The following PDE10A variants were observed in gnomAD, a reference collection of about 807,000 sequenced individuals.
PDE10A encodes the protein phosphodiesterase 10A.
Under a neutral mutation model 97.7 loss-of-function variants are expected in PDE10A, and 39 were observed. The ratio of observed to expected loss-of-function variants is 0.40; its 90% CI spans 0.31 to 0.52. The LOEUF is 0.52. Among genes scored for constraint, PDE10A ranks in the 20% least tolerant of loss-of-function variants. The pLI, the probability that PDE10A is intolerant of heterozygous loss-of-function variation, is 0.56. For synonymous variants in PDE10A, 371 were observed against 376.8 expected, an observed-to-expected ratio of 0.98 and a Z score of 0.18; for missense variants, 731 against 1,047.8, an observed-to-expected ratio of 0.70 and a Z score of 4.17.
At chr6:165,951,297 T>C (rs1308685721) in intron 1 of PDE10A, among the ~76,000 whole-genome samples, 1 of 152,180 alleles carries the variant, frequency 6.6e-6, no homozygotes, top group Admixed American at 6.5e-5. Flanking sequence ...TCTTGAGTAT[T>C]ACCTGTGCAT....
At chr6:165,427,861 A>T (rs6933076) in intron 10 of PDE10A, among the ~76,000 whole-genome samples, 1 of 152,272 alleles carries the variant, frequency 6.6e-6, no homozygotes, top group South Asian at 2.1e-4. Flanking sequence ...TTTTGTCTAG[A>T]TAAAACCATA....
At chr6:165,564,318 G>C (rs954882507) in intron 1 of PDE10A, among the ~76,000 whole-genome samples, 1 of 152,124 alleles carries the variant, frequency 6.6e-6, no homozygotes, top group Admixed American at 6.5e-5. Context: ...GGCACCCAAG[G>C]CTCTCTAGTC....
chr6:165,812,793 G>A (rs111427717), intron 1 of PDE10A, among the ~76,000 whole-genome samples: 1 of 152,020 alleles, frequency 6.6e-6, no homozygotes, highest in Non-Finnish European at 1.5e-5. Context: ...TACAAAAACG[G>A]TAGGTACAAT....
chr6:165,580,591 G>C (rs776122369), intron 1 of PDE10A, among the ~76,000 whole-genome samples: 1 of 152,216 alleles, frequency 6.6e-6, no homozygotes, highest in Non-Finnish European at 1.5e-5. Context: ...GTAGTTGAGA[G>C]ATATTTTAAA....
At chr6:165,862,687 T>C in intron 1 of PDE10A, among the ~76,000 whole-genome samples, 1 of 151,378 alleles carries the variant, frequency 6.6e-6, no homozygotes, top group Non-Finnish European at 1.5e-5. Flanking sequence ...TTTTTTTTTT[T>C]TTTTTTTTTT....
intron 1 of PDE10A, among the ~76,000 whole-genome samples, chr6:165,882,324 G>A (rs1211397320): frequency 1.3e-5 from 2 of 152,188 alleles, no homozygotes; most frequent in African/African-American, 4.8e-5. Context: ...TAAACCTGGT[G>A]TCCAAGGCAG....
intron 1 of PDE10A, among the ~76,000 whole-genome samples, chr6:165,880,537 G>A (rs1407723094): frequency 6.6e-6 from 1 of 152,174 alleles, no homozygotes; most frequent in East Asian, 1.9e-4. Flanking sequence ...AACACCTCCA[G>A]TTTTTAATGA....
chr6:165,844,363 G>A (rs540201324), intron 1 of PDE10A, among the ~76,000 whole-genome samples: 4 of 152,310 alleles, frequency 2.6e-5, no homozygotes, highest in South Asian at 2.1e-4. Flanking sequence ...CACTCACAGC[G>A]AGCCTTTCTC....
chr6:165,719,267 C>A (rs1394005024), intron 1 of PDE10A, among the ~76,000 whole-genome samples: 4 of 152,098 alleles, frequency 2.6e-5, no homozygotes, highest in African/African-American at 9.7e-5. Context: ...CACACTGGGG[C>A]AATGGATGGA....
At chr6:165,674,626 TCA>T (rs1790744144) in intron 1 of PDE10A, among the ~76,000 whole-genome samples, 1 of 152,128 alleles carries the variant, frequency 6.6e-6, no homozygotes, top group Non-Finnish European at 1.5e-5. Context: ...TTCGCCTAAC[TCA>T]CTATTCCTAA....
chr6:165,914,977 AC>A (rs1001909046), intron 1 of PDE10A, among the ~76,000 whole-genome samples: 21 of 151,742 alleles, frequency 1.4e-4, no homozygotes, highest in African/African-American at 5.1e-4. Flanking sequence ...ATGCTATTCC[AC>A]TGGTTTCAAG....
At chr6:165,488,748 G>A (rs761386420) in intron 2 of PDE10A, among the ~76,000 whole-genome samples, 7 of 152,096 alleles carry the variant, frequency 4.6e-5, no homozygotes, top group Admixed American at 1.3e-4. Flanking sequence ...AGTGTGTTGC[G>A]GGGCATGGTG....
intron 1 of PDE10A, among the ~76,000 whole-genome samples, chr6:165,721,971 T>C (rs985845933): frequency 1.3e-5 from 2 of 152,236 alleles, no homozygotes; most frequent in Non-Finnish European, 2.9e-5. Context: ...AAACATTTCA[T>C]GGAGTTACAC....
intron 1 of PDE10A, among the ~76,000 whole-genome samples, chr6:165,623,376 C>T (rs1562638820): frequency 2.0e-5 from 3 of 152,132 alleles, no homozygotes; most frequent in East Asian, 1.9e-4. Context: ...CCATGTCCTC[C>T]CAAAGTGCTG....
At chr6:165,368,545 G>A (rs561194189) in intron 18 of PDE10A, among the ~76,000 whole-genome samples, 2 of 152,148 alleles carry the variant, frequency 1.3e-5, no homozygotes, top group Admixed American at 6.6e-5. Flanking sequence ...AATTTAAAAA[G>A]GGTATAACAA....
At chr6:165,636,556 C>T (rs1407472314) in intron 1 of PDE10A, among the ~76,000 whole-genome samples, 1 of 152,146 alleles carries the variant, frequency 6.6e-6, no homozygotes, top group Non-Finnish European at 1.5e-5. Flanking sequence ...ACATTCCAGA[C>T]GTTCCACAGG....
intron 18 of PDE10A, among the ~76,000 whole-genome samples, chr6:165,358,965 TC>T (rs1783211569): frequency 6.6e-6 from 1 of 151,744 alleles, no homozygotes; most frequent in Non-Finnish European, 1.5e-5. Flanking sequence ...TTAATGTTCT[TC>T]CACTTAACAC....
At chr6:165,851,961 T>C (rs1283038309) in intron 1 of PDE10A, among the ~76,000 whole-genome samples, 1 of 152,146 alleles carries the variant, frequency 6.6e-6, no homozygotes, top group Non-Finnish European at 1.5e-5. Flanking sequence ...TATAGATATA[T>C]AACAGGAATT....
At chr6:165,805,046 A>C (rs1779094827) in intron 1 of PDE10A, among the ~76,000 whole-genome samples, 1 of 140,022 alleles carries the variant, frequency 7.1e-6, no homozygotes, top group Non-Finnish European at 1.5e-5. Flanking sequence ...ACAGGGGCGC[A>C]CGGAGAGGAG....
Sources: allele counts gnomAD v4.1 joint callset (sites outside exome capture counted in the v4.1 genomes callset), GRCh38; gene constraint gnomAD v4.1.1; transcripts MANE v1.5; gene names NCBI Gene and HGNC (gene_info 2026-07-23, HGNC 2026-07-21).